The following GRAMD1B variants were observed in gnomAD, a reference collection of about 807,000 sequenced individuals.
GRAMD1B encodes GRAM domain containing 1B.
A neutral mutation model predicts 99.7 loss-of-function variants in GRAMD1B; 37 were observed. The ratio of observed to expected loss-of-function variants is 0.37; its 90% CI spans 0.29 to 0.49. The LOEUF is 0.49. Among genes scored for constraint, GRAMD1B ranks in the 20% least tolerant of loss-of-function variants. The pLI is 0.98. For synonymous variants in GRAMD1B, 427 were observed against 387.6 expected (o/e 1.10, Z -1.19); for missense variants, 888 against 1,009.2 (o/e 0.88, Z 1.63).
At chr11:123,452,235 A>C (rs1049837864) in intron 1 of GRAMD1B, among the ~76,000 whole-genome samples, 3 of 152,208 alleles carry the variant, frequency 2.0e-5, no homozygotes, top group Non-Finnish European at 2.9e-5. Flanking sequence ...CAGAGCTTAA[A>C]GGAAAAACAT....
intron 1 of GRAMD1B, among the ~76,000 whole-genome samples, chr11:123,470,284 A>G (rs1247250593): frequency 6.6e-6 from 1 of 152,184 alleles, no homozygotes; most frequent in Admixed American, 6.6e-5. Flanking sequence ...ACCATACAAA[A>G]GCTAACCATT....
chr11:123,530,387 G>GT (rs1202312627), intron 2 of GRAMD1B, among the ~76,000 whole-genome samples: 3 of 151,978 alleles, frequency 2.0e-5, no homozygotes, highest in East Asian at 1.9e-4. Context: ...TGTCTTTTCT[G>GT]TTTTTTTGAG....
At chr11:123,419,750 TGAGAAA>T (rs148666886) in intron 1 of GRAMD1B, among the ~76,000 whole-genome samples, 1 of 133,008 alleles carries the variant, frequency 7.5e-6, no homozygotes, top group Non-Finnish European at 1.6e-5. Flanking sequence ...TGTGTGTGAA[TGAGAAA>T]GAGAAAGAGA....
At chr11:123,362,329 C>A (rs887318572) in intron 1 of GRAMD1B, among the ~76,000 whole-genome samples, 1 of 152,094 alleles carries the variant, frequency 6.6e-6, no homozygotes, top group African/African-American at 2.4e-5. Context: ...ATGGTGAGAC[C>A]TTTTTGAGAT....
intron 2 of GRAMD1B, 50 bp from the exon 3 acceptor site, chr11:123,577,317 C>G (rs370790803): frequency 9.7e-6 from 14 of 1,442,794 alleles, no homozygotes; most frequent in Non-Finnish European, 1.3e-5. Context: ...GCCTGCCTTT[C>G]CTCCTCCTTC....
At chr11:123,452,532 GC>G (rs1230849858) in intron 1 of GRAMD1B, among the ~76,000 whole-genome samples, 1 of 152,098 alleles carries the variant, frequency 6.6e-6, no homozygotes, top group Non-Finnish European at 1.5e-5. Context: ...TGTAATTTCA[GC>G]TACTCGGGAG....
In GRAMD1B at chr11:123,371,256, A is replaced by G. The variant is rs1051163710; in HGVS notation, c.-176+12457A>G. ...AAATCCAGGTTGGGTAATCCCCACCATCTTGGATTAGTTAGTGTGGGCCTC... is the reference window on the plus strand; with the variant it reads ...AAATCCAGGTTGGGTAATCCCCACCGTCTTGGATTAGTTAGTGTGGGCCTC... On this transcript the variant is annotated intron_variant, in intron 1 of 20. Transcript: ENST00000638157. 1.1e-4 allele frequency among the ~76,000 whole-genome samples: 17 copies of G among 152,150 alleles called. No individual in the cohort carries two copies. In the South Asian group the frequency reaches 3.5e-3, roughly 32 times the overall value.
At position 123,608,798 on chromosome 11, in the gene GRAMD1B, C is replaced by T. The variant is rs1206209904; in HGVS notation, c.1653C>T (p.Phe551=). The T allele has an allele frequency of 1.9e-6, 3 of 1,544,918 alleles. No individual in the cohort carries two copies. The highest frequency in any genetic ancestry group is 2.6e-6 in the Non-Finnish European group (3 of 1,142,486). ...GGGATTTCATGGAGCAGCGGCGCTTCTCTGGTCCGTTCTGCTGGGACTGTA... is the reference window on the plus strand; with the variant it reads ...GGGATTTCATGGAGCAGCGGCGCTTTTCTGGTCCGTTCTGCTGGGACTGTA... ...FQRDFMEQRR[F]SDIIFHPWKK... The change falls in exon 12 of 20, where the codon TTC becomes TTT. Residue 551 remains phenylalanine, a synonymous_variant. Coordinates refer to ENST00000635736, the MANE Select transcript of GRAMD1B (RefSeq NM_001387025.1).
In GRAMD1B at chr11:123,445,578, G is replaced by A. The variant is rs140585984; in HGVS notation, c.374+14412G>A. 1.7e-3 allele frequency among the ~76,000 whole-genome samples: 255 copies of A among 152,192 alleles called. 3 individuals are homozygous for A. Among genetic ancestry groups the A allele is most frequent in the African/African-American group, 5.9e-3 (246 of 41,530 alleles). ...CCCTTGTAATCCCAGAACTTTGGGA[G>A]GCCAAGGTGGGCAGGTCACTTGAGG... On this transcript the variant is annotated intron_variant, in intron 1 of 19. Coordinates refer to ENST00000635736, the MANE Select transcript of GRAMD1B (RefSeq NM_001387025.1).
At chr11:123,469,426 G>A (rs141676163) in intron 1 of GRAMD1B, among the ~76,000 whole-genome samples, 118 of 152,266 alleles carry the variant, frequency 7.7e-4, no homozygotes, top group Middle Eastern at 6.8e-3. Context: ...GACAGAGGCC[G>A]TCGGAGTGAT....
chr11:123,447,949 T>C (rs11219141), intron 1 of GRAMD1B, among the ~76,000 whole-genome samples: 29,297 of 152,090 alleles, frequency 0.19, 3,289 homozygotes, highest in African/African-American at 0.32. Context: ...GTTTATAGTT[T>C]AAGGGCTGCT....
At chr11:123,577,226 C>T (rs910486514) in intron 2 of GRAMD1B, 141 bp from the exon 3 acceptor site, 5 of 720,998 alleles carry the variant, frequency 6.9e-6, no homozygotes, top group Admixed American at 4.6e-5. Flanking sequence ...CTGGGCCCCT[C>T]TCTCCCGGTT....
rs760901686 is a variant in GRAMD1B, at chr11:123,577,438, C to T, written c.524C>T (p.Thr175Ile). 16 of 1,602,508 alleles carry T rather than the reference C, an allele frequency of 1.0e-5. 1 individual carries two copies. In the South Asian group the frequency reaches 1.2e-4, roughly 12 times the overall value. Residue 175 changes from threonine (T) to isoleucine (I), a missense_variant, in exon 3 of 20, where the codon ACC becomes ATC. Thr to Ile is a moderately conservative substitution (Grantham distance 89, BLOSUM62 -1). Transcript: ENST00000635736. ...CTCCGGAAGCGGTCTCGCTCGCCAACCCCGCAGAACCAGGACGGAGACACC... is the reference window on the plus strand; with the variant it reads ...CTCCGGAAGCGGTCTCGCTCGCCAATCCCGCAGAACCAGGACGGAGACACC... ...PILRKRSRSP[T>I]PQNQDGDTMV... is the part of the protein sequence containing the mutation.
At position 123,466,545 on chromosome 11, in the gene GRAMD1B, G is replaced by A. The variant is rs111872755; in HGVS notation, c.375-14271G>A. 5.8e-3 allele frequency among the ~76,000 whole-genome samples: 881 copies of A among 152,294 alleles called. 11 individuals are homozygous for A. The highest frequency in any genetic ancestry group is 0.02 in the African/African-American group (838 of 41,546). ...TTGGGCATAAAATGGATTCTGGCTT[G>A]CCCTGGGCTTAAGAACTTTCTGCAG... On this transcript the variant is annotated intron_variant, in intron 1 of 19. Transcript: ENST00000635736.
chr11:123,532,664 A>T (rs1406079168), intron 2 of GRAMD1B, among the ~76,000 whole-genome samples: 1 of 152,234 alleles, frequency 6.6e-6, no homozygotes, highest in Non-Finnish European at 1.5e-5. Context: ...ATTCGGTTTG[A>T]TGCCAGATTT....
At chr11:123,560,092 C>T (rs1415148341) in intron 2 of GRAMD1B, among the ~76,000 whole-genome samples, 1 of 149,338 alleles carries the variant, frequency 6.7e-6, no homozygotes, top group African/African-American at 2.5e-5. Context: ...CCCAGCGGCT[C>T]TGTCCTCCAC....
chr11:123,568,242 C>T (rs1315585111), intron 2 of GRAMD1B, among the ~76,000 whole-genome samples: 3 of 152,054 alleles, frequency 2.0e-5, no homozygotes, highest in Non-Finnish European at 2.9e-5. Flanking sequence ...ATGTGAGGGG[C>T]GGAGTGCAGA....
chr11:123,389,930 C>T (rs955932035), intron 1 of GRAMD1B, among the ~76,000 whole-genome samples: 3 of 151,918 alleles, frequency 2.0e-5, no homozygotes, highest in Non-Finnish European at 2.9e-5. Context: ...AATGTTTTCC[C>T]ATTTTTAGTA....
intron 2 of GRAMD1B, among the ~76,000 whole-genome samples, chr11:123,546,722 T>G (rs1945074370): frequency 6.6e-6 from 1 of 152,236 alleles, no homozygotes; most frequent in Non-Finnish European, 1.5e-5. Context: ...TGTTAGATTA[T>G]TTAGAAGAAA....
Sources: gnomAD v4.1 joint callset for allele counts (sites outside exome capture counted in the v4.1 genomes callset) on GRCh38, gnomAD v4.1.1 for gene constraint, MANE v1.5 for transcripts, NCBI Gene and HGNC (gene_info 2026-07-23, HGNC 2026-07-21) for gene names.